Variants in FNDC3B observed in about 807,000 individuals in gnomAD.
FNDC3B encodes the protein fibronectin type III domain-containing protein 3B.
In FNDC3B, 12 loss-of-function variants were observed where a neutral mutation model predicts 151.5. The ratio of observed to expected loss-of-function variants is 0.08; its 90% confidence interval spans 0.05 to 0.13. The LOEUF (loss-of-function observed/expected upper bound fraction) is 0.13. FNDC3B is among the 10% of genes least tolerant of loss of function. FNDC3B has a pLI of 1.00. For missense variants in FNDC3B, 1,214 were observed against 1,505.3 expected (o/e 0.81, Z 3.20); for synonymous variants, 528 against 549.0 (o/e 0.96, Z 0.54).
intron 16 of FNDC3B, among the ~76,000 whole-genome samples, chr3:172,340,539 G>GCCT (rs1036651154): frequency 1.3e-5 from 2 of 152,080 alleles, no homozygotes; most frequent in African/African-American, 4.8e-5. Context: ...ACCCACCTCG[G>GCCT]CCTCCTAAAG....
At chr3:172,311,185 T>A (rs549437714) in intron 11 of FNDC3B, among the ~76,000 whole-genome samples, 5 of 152,330 alleles carry the variant, frequency 3.3e-5, no homozygotes, top group African/African-American at 1.2e-4. Context: ...GTATTAAAAA[T>A]TGACTGCTTT....
At chr3:172,258,857 A>G (rs1365018495) in intron 6 of FNDC3B, among the ~76,000 whole-genome samples, 1 of 152,204 alleles carries the variant, frequency 6.6e-6, no homozygotes, top group Non-Finnish European at 1.5e-5. Context: ...GGGCTTTTGC[A>G]CTTCACAAGT....
At chr3:172,170,416 C>T (rs1723228481) in intron 3 of FNDC3B, among the ~76,000 whole-genome samples, 1 of 152,196 alleles carries the variant, frequency 6.6e-6, no homozygotes, top group Non-Finnish European at 1.5e-5. Flanking sequence ...GGTTGGGGAC[C>T]AGGAAGATGA....
At chr3:172,220,328 A>G (rs7616207) in intron 3 of FNDC3B, among the ~76,000 whole-genome samples, 101,514 of 152,062 alleles carry the variant, frequency 0.67, 34,299 homozygotes, top group Non-Finnish European at 0.73. Flanking sequence ...TTATCTTTGG[A>G]GAAATGTCTA....
At chr3:172,263,081 CAATATATATA>C (rs1728735800) in intron 6 of FNDC3B, among the ~76,000 whole-genome samples, 2 of 141,248 alleles carry the variant, frequency 1.4e-5, no homozygotes, top group Admixed American at 6.9e-5. Context: ...TAATAAAAAG[CAATATATATA>C]AATATATATA....
At chr3:172,208,104 A>AT (rs67231937) in intron 3 of FNDC3B, among the ~76,000 whole-genome samples, 128,113 of 151,892 alleles carry the variant, frequency 0.84, 54,256 homozygotes, top group Middle Eastern at 0.92. Flanking sequence ...TGGACAGCAG[A>AT]TTTGGTGATT....
chr3:172,136,268 A>T (rs1181693976), intron 3 of FNDC3B, among the ~76,000 whole-genome samples: 1 of 152,242 alleles, frequency 6.6e-6, no homozygotes, highest in Non-Finnish European at 1.5e-5. Flanking sequence ...TGGTTTGCAG[A>T]ACAAAAGTGG....
intron 3 of FNDC3B, among the ~76,000 whole-genome samples, chr3:172,195,749 T>G (rs1210657107): frequency 6.6e-6 from 1 of 152,174 alleles, no homozygotes; most frequent in Non-Finnish European, 1.5e-5. Flanking sequence ...GCCTGAGGAA[T>G]AGGATGAGCT....
At chr3:172,215,616 C>T (rs1205437845) in intron 3 of FNDC3B, among the ~76,000 whole-genome samples, 3 of 152,112 alleles carry the variant, frequency 2.0e-5, no homozygotes, top group Non-Finnish European at 2.9e-5. Context: ...CCCAGCTACT[C>T]GGGAGGCTGA....
chr3:172,194,541 T>C (rs1045400678), intron 3 of FNDC3B, among the ~76,000 whole-genome samples: 1 of 152,220 alleles, frequency 6.6e-6, no homozygotes, highest in Admixed American at 6.5e-5. Context: ...TCATCAAAAT[T>C]ATATATGGTA....
chr3:172,095,908 C>T (rs944011822), intron 1 of FNDC3B, among the ~76,000 whole-genome samples: 1 of 152,192 alleles, frequency 6.6e-6, no homozygotes, highest in Non-Finnish European at 1.5e-5. Context: ...GAACACCTTC[C>T]TATGTTAGCA....
At chr3:172,078,895 A>C (rs1234541216) in intron 1 of FNDC3B, among the ~76,000 whole-genome samples, 1 of 152,244 alleles carries the variant, frequency 6.6e-6, no homozygotes, top group Non-Finnish European at 1.5e-5. Flanking sequence ...GATGACCATC[A>C]CATGATTGCC....
At chr3:172,138,906 C>T (rs545019989) in intron 3 of FNDC3B, among the ~76,000 whole-genome samples, 2 of 152,276 alleles carry the variant, frequency 1.3e-5, no homozygotes, top group Non-Finnish European at 2.9e-5. Flanking sequence ...AAACTTTTTC[C>T]GCTCTTGCTT....
At chr3:172,363,419 T>C (rs1734459368) in intron 23 of FNDC3B, among the ~76,000 whole-genome samples, 1 of 152,214 alleles carries the variant, frequency 6.6e-6, no homozygotes, top group Non-Finnish European at 1.5e-5. Flanking sequence ...GTAGTATTTG[T>C]TTAACCTAAC....
At chr3:172,307,637 T>C in intron 10 of FNDC3B, 136 bp downstream of exon 10, 2 of 782,332 alleles carry the variant, frequency 2.6e-6, no homozygotes, top group Non-Finnish European at 2.1e-6. Flanking sequence ...AAGGCTGCAG[T>C]GAGCCATGAT....
At chr3:172,269,318 G>T (rs762099343) in intron 6 of FNDC3B, among the ~76,000 whole-genome samples, 6 of 151,162 alleles carry the variant, frequency 4.0e-5, no homozygotes, top group Non-Finnish European at 8.8e-5. Context: ...ATATGCAGTC[G>T]CATGATCATA....
intron 2 of FNDC3B, among the ~76,000 whole-genome samples, chr3:172,122,700 T>G (rs562254252): frequency 2.0e-5 from 3 of 152,350 alleles, no homozygotes; most frequent in African/African-American, 7.2e-5. Flanking sequence ...CCTCCCTTCC[T>G]GGGTCTTCTC....
At chr3:172,150,351 A>G (rs908170649) in intron 3 of FNDC3B, among the ~76,000 whole-genome samples, 1 of 152,132 alleles carries the variant, frequency 6.6e-6, no homozygotes, top group Non-Finnish European at 1.5e-5. Context: ...ATTATTTGTG[A>G]ATGAAAAAAC....
intron 8 of FNDC3B, among the ~76,000 whole-genome samples, chr3:172,297,865 A>G (rs566284297): frequency 4.1e-4 from 63 of 152,348 alleles, no homozygotes; most frequent in African/African-American, 1.5e-3. Context: ...ACCACAGTGT[A>G]ATTATAACTT....
Sources: allele counts gnomAD v4.1 joint callset (sites outside exome capture counted in the v4.1 genomes callset), GRCh38; gene constraint gnomAD v4.1.1; transcripts MANE v1.5; gene names NCBI Gene and HGNC (gene_info 2026-07-23, HGNC 2026-07-21).